The following SH3TC1 variants were observed in gnomAD, a reference collection of about 807,000 sequenced individuals.
SH3TC1 encodes the protein SH3 domain and tetratricopeptide repeats 1.
In SH3TC1, 135 loss-of-function variants were observed where a neutral mutation model predicts 117.3. The observed-to-expected ratio is 1.15, with a 90% CI of 1.00 to 1.33. SH3TC1 has a LOEUF of 1.33. SH3TC1 is among the 40% of genes most tolerant of loss of function. The pLI, the probability that SH3TC1 is intolerant of heterozygous loss-of-function variation, is 0.00. For synonymous variants in SH3TC1, 898 were observed against 816.9 expected (o/e 1.10, Z -1.69); for missense variants, 2,092 against 1,794.3 (o/e 1.17, Z -3.00).
At chr4:8,203,566 G>A (rs112676316) in intron 1 of SH3TC1, among the ~76,000 whole-genome samples, 2,521 of 152,116 alleles carry the variant, frequency 0.017, 70 homozygotes, top group African/African-American at 0.058. Flanking sequence ...GAGATTTTCC[G>A]TGCTGCTGTC....
At chr4:8,214,609 C>T (rs1201423824) in intron 5 of SH3TC1, 29 bp downstream of exon 5, 1 of 1,578,646 alleles carries the variant, frequency 6.3e-7, no homozygotes. Context: ...CAGAATTGGT[C>T]ATGGGGACGC....
At position 8,210,753 on chromosome 4, in the gene SH3TC1, A is replaced by G. The variant is rs1184465605; in HGVS notation, c.247+931A>G. Reference sequence around the variant, plus strand: ...CCAGCCTGGGCAACTTCTGAAAAAAAAAAAAAAAAAAAAAAAAAAAAGGCC... The same window carrying G: ...CCAGCCTGGGCAACTTCTGAAAAAAGAAAAAAAAAAAAAAAAAAAAAGGCC... On this transcript the variant is annotated intron_variant, in intron 3 of 17. Transcript: ENST00000245105. This position sits in a 1 kb window ranked among gnomAD's most constrained non-coding sequence, Gnocchi z 4.1. Among the ~76,000 whole-genome samples, 4 of 146,542 alleles carry G rather than the reference A, an allele frequency of 2.7e-5. No homozygotes were observed. The highest frequency in any genetic ancestry group is 4.5e-5 in the Non-Finnish European group (3 of 66,860).
At chr4:8,197,568 T>C (rs2152975593), upstream of SH3TC1, among the ~76,000 whole-genome samples, 1 of 152,258 alleles carries the variant, frequency 6.6e-6, no homozygotes, top group Non-Finnish European at 1.5e-5. Flanking sequence ...AAGTGTCCTT[T>C]GGTGCCTCTG....
At chr4:8,216,850 C>G (rs1719329646) in intron 6 of SH3TC1, 107 bp from the exon 7 acceptor site, 1 of 1,173,678 alleles carries the variant, frequency 8.5e-7, no homozygotes, top group Admixed American at 1.8e-5. Flanking sequence ...GGGGGGGCCG[C>G]TCCTGTGGGT....
chr4:8,191,316 G>T (rs1717409835), intron 1 of SH3TC1, among the ~76,000 whole-genome samples: 1 of 152,208 alleles, frequency 6.6e-6, no homozygotes, highest in Admixed American at 6.5e-5. Flanking sequence ...TCGGGGGTGG[G>T]TGTCTTCAGT....
rs1444205521 is a variant in SH3TC1 at position 8,183,396 on chromosome 4, A to G, written c.-57+1186A>G. Among the ~76,000 whole-genome samples the G allele has an allele frequency of 1.3e-5, 2 of 152,118 alleles. No homozygotes were observed. Among genetic ancestry groups the G allele is most frequent in the African/African-American group, 4.8e-5 (2 of 41,426 alleles). Reference sequence around the variant, plus strand: ...ACCAGAAACCGGCCCTGCCCCACGCATCTCTGTGATTAACTCACTCCCTGT... The same window carrying G: ...ACCAGAAACCGGCCCTGCCCCACGCGTCTCTGTGATTAACTCACTCCCTGT... On this transcript the variant is annotated intron_variant, in intron 1 of 16. Coordinates refer to the SH3TC1 transcript ENST00000508641. This position sits in a 1 kb window ranked among gnomAD's most constrained non-coding sequence, Gnocchi z 5.4.
chr4:8,192,781 G>A lies in SH3TC1; in HGVS notation c.-57+10571G>A, dbSNP rs1414432585. On this transcript the variant is annotated intron_variant, in intron 1 of 16. Transcript: ENST00000508641. The surrounding 1 kb of genome is among the most constrained non-coding windows in gnomAD (Gnocchi z 4.1). Reference sequence around the variant, plus strand: ...TGCTGGGATTACAGGCGTGAGCCACGGTGCCCGGCCCACTTGTCTTTATTT... The same window carrying A: ...TGCTGGGATTACAGGCGTGAGCCACAGTGCCCGGCCCACTTGTCTTTATTT... Among the ~76,000 whole-genome samples, 2 of 152,080 alleles carry A rather than the reference G, an allele frequency of 1.3e-5. No individual in the cohort carries two copies. Among genetic ancestry groups the A allele is most frequent in the East Asian group, 1.9e-4 (1 of 5,172 alleles).
chr4:8,233,416 A>G lies in SH3TC1; in HGVS notation c.3185A>G (p.Asp1062Gly), dbSNP rs778216013. The G allele has an allele frequency of 6.2e-7, 1 of 1,613,714 alleles. No individual in the cohort carries two copies. The highest frequency in any genetic ancestry group is 8.5e-7 in the Non-Finnish European group (1 of 1,179,848). Residue 1062 changes from aspartate to glycine, a missense_variant, in exon 14 of 18, where the codon GAC becomes GGC. Transcript: ENST00000245105. ...AAACGAAGTCTGGGGATTTTCATTG[A>G]CCTCCAGAAGAAAGAGAAGGAGGCG... The part of the protein sequence containing the change: ...YTKRSLGIFI[D>G]LQKKEKEAHA...
Position 8,228,581 on chromosome 4 carries a change from C to T in SH3TC1, c.2887C>T (p.Gln963Ter), listed in dbSNP as rs765367859. The change falls in exon 12 of 18, where the codon CAG (glutamine) becomes TAG (stop). Residue 963 changes from glutamine (Q) to a stop codon, truncating the protein, a stop_gained. Transcript: ENST00000245105. LOFTEE classifies it high-confidence loss of function. Reference sequence around the variant, plus strand: ...TCTCTGCACCCGCCAGGGCCCGGCCCAGCAGGGCAAGGGCTACTACGAGTG... The same window carrying T: ...TCTCTGCACCCGCCAGGGCCCGGCCTAGCAGGGCAAGGGCTACTACGAGTG... Reference protein sequence around the residue: ...GHLCTRQGPAQQGKGYYEWAL... With the variant: ...GHLCTRQGPA 2 of 1,590,180 alleles carry T rather than the reference C, an allele frequency of 1.3e-6. No homozygotes were observed. Among genetic ancestry groups the T allele is most frequent in the Non-Finnish European group, 1.7e-6 (2 of 1,169,748 alleles).
intron 2 of SH3TC1, among the ~76,000 whole-genome samples, chr4:8,207,099 T>C (rs941679766): frequency 6.9e-6 from 1 of 144,686 alleles, no homozygotes; most frequent in African/African-American, 2.6e-5. Flanking sequence ...AAAAAAAAAT[T>C]CCTGGGTCAC....
intron 1 of SH3TC1, among the ~76,000 whole-genome samples, 159 bp downstream of exon 1, chr4:8,199,564 C>T (rs926534477): frequency 9.2e-5 from 14 of 152,300 alleles, no homozygotes; most frequent in South Asian, 6.2e-4. Context: ...TCGGGGAGGT[C>T]GTCGGCACCC....
In SH3TC1 at chr4:8,212,845, G is replaced by T; in HGVS notation, c.375+17G>T. 6.5e-7 allele frequency: 1 copy of T among 1,544,708 alleles called. No individual in the cohort carries two copies. The highest frequency in any genetic ancestry group is 2.1e-4 in the Middle Eastern group (1 of 4,874). On this transcript the variant is annotated intron_variant, in intron 4 of 17. Coordinates refer to ENST00000245105, the MANE Select transcript of SH3TC1 (RefSeq NM_018986.5). ...GTGCTTGGGGTGAGTAGCCCTCTGG[G>T]GCCTGCTCAGGGATGGGAGCTGGAG...
Position 8,209,768 on chromosome 4 carries a change from G to T in SH3TC1, c.193G>T (p.Val65Leu). ...VRGDEAPPARVAGPAAGTPPC... is the reference protein window; with the variant it reads ...VRGDEAPPARLAGPAAGTPPC... The stretch of plus-strand genomic sequence containing the variant: ...TGCAGACGAGGCTCCTCCTGCCCGC[G>T]TGGCTGGGCCTGCTGCTGGGACCCC... The change falls in exon 3 of 18, where the codon GTG becomes TTG. Residue 65 changes from valine (V) to leucine (L), a missense_variant. Val to Leu is a conservative substitution (Grantham distance 32, BLOSUM62 1). Coordinates refer to ENST00000245105, the MANE Select transcript of SH3TC1 (RefSeq NM_018986.5). The surrounding 1 kb of genome is among the most constrained non-coding windows in gnomAD (Gnocchi z 5.9). 2 of 1,613,704 alleles carry T rather than the reference G, an allele frequency of 1.2e-6. No homozygotes were observed. The highest frequency in any genetic ancestry group is 1.7e-5 in the Admixed American group (1 of 60,018).
rs1357763469 is a variant in SH3TC1 at position 8,227,923 on chromosome 4, C to A, written c.2229C>A (p.Gly743=). Residue 743 remains glycine (G), a synonymous_variant, in exon 12 of 18, where the codon GGC becomes GGA. Transcript: ENST00000245105. ...ASLRTRGSLA[G]SLRSVNLVLQ... is the part of the protein sequence containing the mutation. Reference sequence around the variant, plus strand: ...TGCGGACACGGGGCTCGCTGGCCGGCTCGCTGAGGAGTGTGAACCTGGTGC... The same window carrying A: ...TGCGGACACGGGGCTCGCTGGCCGGATCGCTGAGGAGTGTGAACCTGGTGC... 1 of 1,612,668 alleles carries A rather than the reference C, an allele frequency of 6.2e-7. No homozygotes were observed. Among genetic ancestry groups the A allele is most frequent in the Admixed American group, 1.7e-5 (1 of 60,024 alleles).
intron 2 of SH3TC1, among the ~76,000 whole-genome samples, chr4:8,208,810 C>A (rs74896408): frequency 6.6e-6 from 1 of 152,196 alleles, no homozygotes; most frequent in East Asian, 1.9e-4. Flanking sequence ...AACACCGTCC[C>A]AATGCAAGGC....
upstream of SH3TC1, among the ~76,000 whole-genome samples, chr4:8,195,919 C>A (rs55727461): frequency 0.14 from 20,921 of 152,144 alleles, 1,664 homozygotes; most frequent in African/African-American, 0.19. Context: ...CCCCTTGGGG[C>A]CATCATCTGA....
chr4:8,219,611 C>T, intron 9 of SH3TC1, 81 bp downstream of exon 9: 2 of 1,363,360 alleles, frequency 1.5e-6, no homozygotes, highest in Non-Finnish European at 1.9e-6. Context: ...ACCTGGCTCC[C>T]CAGGTAACAA....
chr4:8,217,187 G>C lies in SH3TC1; in HGVS notation c.839+20G>C, dbSNP rs1719380067. The C allele has an allele frequency of 1.9e-6, 3 of 1,580,120 alleles. No individual in the cohort carries two copies. Among genetic ancestry groups the C allele is most frequent in the Non-Finnish European group, 2.6e-6 (3 of 1,162,968 alleles). ...TCATCAGTAGGTACCGGCCTTTGCT[G>C]CTCTGAGAGCTGTTGGCCTCGCTGA... is the stretch of plus-strand genomic sequence containing the variant. On this transcript the variant is annotated intron_variant, in intron 7 of 17. Transcript: ENST00000245105.
At chr4:8,223,694 A>G (rs71603919) in intron 10 of SH3TC1, among the ~76,000 whole-genome samples, 2 of 147,970 alleles carry the variant, frequency 1.4e-5, no homozygotes, top group South Asian at 2.1e-4. Context: ...GTGCAGTGGC[A>G]TGATCTCGGC....
Sources: allele counts gnomAD v4.1 joint callset (sites outside exome capture counted in the v4.1 genomes callset), GRCh38; gene constraint gnomAD v4.1.1; non-coding constraint Gnocchi (gnomAD v3.1); transcripts MANE v1.5; gene names NCBI Gene and HGNC (gene_info 2026-07-23, HGNC 2026-07-21).